The following STXBP5 variants were observed in gnomAD, a reference collection of about 807,000 sequenced individuals.
STXBP5 encodes syntaxin binding protein 5, also known as syntaxin-binding protein 5.
In STXBP5, 50 loss-of-function variants were observed where a neutral mutation model predicts 152.4. The observed-to-expected ratio is 0.33, with a 90% CI of 0.26 to 0.42. The LOEUF (loss-of-function observed/expected upper bound fraction) is 0.42. Among genes scored for constraint, STXBP5 ranks in the 10% least tolerant of loss-of-function variants. The pLI is 1.00. For synonymous variants in STXBP5, 492 were observed against 494.7 expected (o/e 0.99, Z 0.07); for missense variants, 1,167 against 1,388.6 (o/e 0.84, Z 2.54).
intron 4 of STXBP5, among the ~76,000 whole-genome samples, chr6:147,249,241 T>C (rs1047638311): frequency 1.4e-4 from 21 of 152,232 alleles, no homozygotes; most frequent in African/African-American, 4.6e-4. Context: ...TGATACCTTG[T>C]TACAAAATCA....
At chr6:147,356,717 C>T (rs1784830355) in intron 22 of STXBP5, among the ~76,000 whole-genome samples, 1 of 152,062 alleles carries the variant, frequency 6.6e-6, no homozygotes, top group African/African-American at 2.4e-5. Context: ...TATTTTTAAT[C>T]TATGAATCTA....
intron 25 of STXBP5, among the ~76,000 whole-genome samples, chr6:147,369,968 C>T (rs1442826604): frequency 6.6e-6 from 1 of 151,894 alleles, no homozygotes; most frequent in Admixed American, 6.6e-5. Flanking sequence ...TTCATAGCCG[C>T]TTTATTTGTA....
chr6:147,216,250 AGCGTGGTGGCAGGT>A (rs1777160177), intron 2 of STXBP5, among the ~76,000 whole-genome samples: 1 of 151,914 alleles, frequency 6.6e-6, no homozygotes, highest in Non-Finnish European at 1.5e-5. Flanking sequence ...AAATTTGCCG[AGCGTGGTGGCAGGT>A]GCCTGTAATC....
chr6:147,232,636 C>T (rs1297430036), intron 2 of STXBP5, among the ~76,000 whole-genome samples: 5 of 151,758 alleles, frequency 3.3e-5, no homozygotes, highest in African/African-American at 7.2e-5. Context: ...TTAGATATAT[C>T]GCCTGTAAAA....
rs1255896253 is a variant in STXBP5, at chr6:147,385,934, A to G, written c.*1179A>G. ...CCTACAAAATATTTTGTGTAGAAATATACTATAAATCTGTACATATCCTTT... is the reference window on the plus strand; with the variant it reads ...CCTACAAAATATTTTGTGTAGAAATGTACTATAAATCTGTACATATCCTTT... On this transcript the variant is annotated 3_prime_UTR_variant, in exon 28 of 28. Coordinates refer to ENST00000321680, the MANE Select transcript of STXBP5 (RefSeq NM_001127715.4). 2.0e-5 allele frequency: 3 copies of G among 152,214 alleles called. No individual in the cohort carries two copies. Among genetic ancestry groups the G allele is most frequent in the East Asian group, 3.9e-4 (2 of 5,172 alleles). 9.4% of individuals were successfully genotyped at this position (152,214 alleles called of 1,614,324 possible). A position where few individuals can be genotyped will look rare whatever the true frequency, so the allele number is the denominator to read the frequency against.
chr6:147,256,764 A>G (rs1779388617), intron 4 of STXBP5, among the ~76,000 whole-genome samples: 1 of 152,118 alleles, frequency 6.6e-6, no homozygotes, highest in Non-Finnish European at 1.5e-5. Flanking sequence ...AGGTTCCCAT[A>G]TTTTGTATGG....
At chr6:147,253,320 C>T (rs1438661546) in intron 4 of STXBP5, among the ~76,000 whole-genome samples, 3 of 152,040 alleles carry the variant, frequency 2.0e-5, no homozygotes, top group Non-Finnish European at 4.4e-5. Context: ...AAAATAATGG[C>T]TATTTATGAG....
intron 2 of STXBP5, among the ~76,000 whole-genome samples, chr6:147,215,509 T>C (rs1281863055): frequency 6.6e-6 from 1 of 152,078 alleles, no homozygotes; most frequent in Non-Finnish European, 1.5e-5. Flanking sequence ...GTCCCCCAAG[T>C]AGCTGGGACT....
At chr6:147,252,784 C>T (rs1779164070) in intron 4 of STXBP5, among the ~76,000 whole-genome samples, 1 of 151,890 alleles carries the variant, frequency 6.6e-6, no homozygotes, top group African/African-American at 2.4e-5. Context: ...TCAGATTCAC[C>T]AATAACAAGT....
At chr6:147,208,194 T>C (rs1388996279) in intron 2 of STXBP5, among the ~76,000 whole-genome samples, 1 of 152,154 alleles carries the variant, frequency 6.6e-6, no homozygotes, top group African/African-American at 2.4e-5. Flanking sequence ...GTTTACTAAA[T>C]TACCTTCTAC....
At chr6:147,324,279 T>TG (rs1406497394) in intron 16 of STXBP5, among the ~76,000 whole-genome samples, 11 of 132,198 alleles carry the variant, frequency 8.3e-5, no homozygotes, top group Admixed American at 2.3e-4. Context: ...TTTTTTTTTT[T>TG]TTTTTTTTTT....
At chr6:147,330,962 T>G (rs932649136) in intron 18 of STXBP5, among the ~76,000 whole-genome samples, 2 of 152,238 alleles carry the variant, frequency 1.3e-5, no homozygotes, top group African/African-American at 4.8e-5. Flanking sequence ...ACAGAACAGC[T>G]GAATATTTGG....
intron 9 of STXBP5, among the ~76,000 whole-genome samples, chr6:147,303,589 C>T (rs1781936994): frequency 6.6e-6 from 1 of 152,162 alleles, no homozygotes; most frequent in South Asian, 2.1e-4. Flanking sequence ...GACTATGGAA[C>T]TGGGTAACAC....
intron 2 of STXBP5, among the ~76,000 whole-genome samples, chr6:147,209,098 A>G (rs1776719204): frequency 6.6e-6 from 1 of 152,090 alleles, no homozygotes; most frequent in Non-Finnish European, 1.5e-5. Flanking sequence ...ATCATGGGTT[A>G]CCCTGATCTT....
intron 2 of STXBP5, among the ~76,000 whole-genome samples, chr6:147,221,467 G>T (rs895781508): frequency 2.1e-4 from 32 of 150,802 alleles, no homozygotes; most frequent in African/African-American, 7.5e-4. Flanking sequence ...AGGTCATTTT[G>T]TCAGTTTTTG....
intron 8 of STXBP5, among the ~76,000 whole-genome samples, chr6:147,278,468 A>G (rs1201119547): frequency 1.3e-5 from 2 of 152,224 alleles, no homozygotes; most frequent in Non-Finnish European, 2.9e-5. Context: ...TCATGTCTCT[A>G]ATAGTCCAGA....
chr6:147,291,243 A>C, intron 9 of STXBP5, 71 bp downstream of exon 9: 1 of 1,308,274 alleles, frequency 7.6e-7, no homozygotes, highest in Non-Finnish European at 1.1e-6. Flanking sequence ...CTATTTTATC[A>C]TTAATTTTGA....
intron 26 of STXBP5, among the ~76,000 whole-genome samples, chr6:147,376,227 C>T (rs917770342): frequency 4.6e-5 from 7 of 152,090 alleles, no homozygotes; most frequent in Admixed American, 3.9e-4. Context: ...TTAAGGTGAT[C>T]TGAGATTCTT....
At chr6:147,353,662 A>T (rs889154749) in intron 22 of STXBP5, among the ~76,000 whole-genome samples, 1 of 152,112 alleles carries the variant, frequency 6.6e-6, no homozygotes, top group African/African-American at 2.4e-5. Flanking sequence ...TTTTAGATTA[A>T]TTTTTATTAA....
Sources: gnomAD v4.1 joint callset for allele counts (sites outside exome capture counted in the v4.1 genomes callset) on GRCh38, gnomAD v4.1.1 for gene constraint, MANE v1.5 for transcripts, NCBI Gene and HGNC (gene_info 2026-07-23, HGNC 2026-07-21) for gene names.